The following APTX variants were observed in gnomAD, a reference collection of about 807,000 sequenced individuals.
The protein encoded by APTX is forkhead-associated domain histidine triad-like protein.
Under a neutral mutation model 42.3 loss-of-function variants are expected in APTX, and 33 were observed. The observed-to-expected ratio is 0.78, with a 90% CI of 0.59 to 1.04. The LOEUF is 1.04. Ranked by LOEUF, APTX falls within the 50% of genes least tolerant of loss-of-function variation. APTX has a pLI of 0.00. For synonymous variants in APTX, 130 were observed against 146.7 expected, an observed-to-expected ratio of 0.89 and a Z score of 0.82; for missense variants, 421 against 415.1, an observed-to-expected ratio of 1.01 and a Z score of -0.12.
At chr9:32,984,607 A>G (rs1273037865) in intron 6 of APTX, 24 bp downstream of exon 6, 1 of 1,610,338 alleles carries the variant, frequency 6.2e-7, no homozygotes, top group African/African-American at 1.3e-5. Flanking sequence ...ACCAGGAGCC[A>G]GCAGCACTAC....
chr9:33,006,066 GTTGT>G (rs148290929), upstream of APTX, among the ~76,000 whole-genome samples: 17,742 of 150,668 alleles, frequency 0.12, 1,082 homozygotes, highest in East Asian at 0.18. Flanking sequence ...TCAGGGTTTT[GTTGT>G]TTGTTTGTTT....
chr9:33,007,020 AAAAGAAAG>A (rs1454616438), intron 1 of APTX, among the ~76,000 whole-genome samples: 2 of 134,590 alleles, frequency 1.5e-5, no homozygotes, highest in African/African-American at 2.8e-5. Flanking sequence ...AAAAAAAAAA[AAAAGAAAG>A]AAAGAAAGAA....
intron 1 of APTX, chr9:33,019,656 G>C: frequency 2.3e-6 from 1 of 437,652 alleles, no homozygotes; most frequent in Non-Finnish European, 4.2e-6. Flanking sequence ...GCACTGCCTA[G>C]GAGGAGACGC....
intron 6 of APTX, among the ~76,000 whole-genome samples, chr9:32,979,254 C>T (rs79505548): frequency 0.04 from 6,034 of 152,146 alleles, 151 homozygotes; most frequent in East Asian, 0.11. Flanking sequence ...ATGTGTGCTC[C>T]GTATTTAGCT....
intron 1 of APTX, chr9:32,997,436 T>C (rs1835207486): frequency 6.6e-6 from 1 of 152,172 alleles, no homozygotes; most frequent in South Asian, 2.1e-4. Flanking sequence ...GGAAGCACAA[T>C]GCTAGAGTAC....
chr9:33,004,763 G>A (rs1837010495), upstream of APTX, among the ~76,000 whole-genome samples: 1 of 151,044 alleles, frequency 6.6e-6, no homozygotes, highest in Admixed American at 6.6e-5. Flanking sequence ...CTCCTGAGTA[G>A]CTGGGACTAC....
At chr9:32,992,398 GT>G (rs1186863312) in intron 1 of APTX, among the ~76,000 whole-genome samples, 2 of 152,220 alleles carry the variant, frequency 1.3e-5, no homozygotes, top group Non-Finnish European at 2.9e-5. Flanking sequence ...GTATTAGCCA[GT>G]ACAGGCTTCC....
At chr9:32,986,059 A>AAC in intron 4 of APTX, 29 bp from the exon 5 acceptor site, 3 of 1,240,058 alleles carry the variant, frequency 2.4e-6, no homozygotes, top group African/African-American at 3.3e-5. Context: ...AAAAAACAAA[A>AAC]AAAAAAAAAA....
chr9:33,024,351 C>A (rs1838666600), intron 1 of APTX, among the ~76,000 whole-genome samples: 1 of 152,238 alleles, frequency 6.6e-6, no homozygotes, highest in African/African-American at 2.4e-5. Context: ...GACATACCTG[C>A]TGTGTCCCTG....
intron 2 of APTX, among the ~76,000 whole-genome samples, chr9:32,989,142 C>T (rs1832928273): frequency 6.6e-6 from 1 of 152,158 alleles, no homozygotes; most frequent in African/African-American, 2.4e-5. Flanking sequence ...TTGTATCCCT[C>T]CACTTAGATT....
rs1011702819 is a variant in APTX, at chr9:33,018,099, A to G, written c.-5+6924T>C. Among the ~76,000 whole-genome samples the G allele has an allele frequency of 2.0e-5, 3 of 151,884 alleles. No individual in the cohort carries two copies. In the South Asian group the frequency reaches 6.3e-4, roughly 32 times the overall value. On this transcript the variant is annotated intron_variant, in intron 1 of 6. Transcript: ENST00000436040. ...GGCCAGGAGTCAGAAATGAAAACCA[A>G]AATTTTATTTTTTATTTAATTTTTT...
chr9:33,015,303 T>C (rs1837817177), intron 1 of APTX, among the ~76,000 whole-genome samples: 1 of 152,230 alleles, frequency 6.6e-6, no homozygotes, highest in Non-Finnish European at 1.5e-5. Context: ...TAACGCCTTA[T>C]AAATTATCAA....
chr9:33,009,781 T>C (rs918362203), intron 1 of APTX, among the ~76,000 whole-genome samples: 1 of 151,740 alleles, frequency 6.6e-6, no homozygotes, highest in Non-Finnish European at 1.5e-5. Flanking sequence ...GGCGATACTC[T>C]GTCTCTAAAA....
intron 1 of APTX, among the ~76,000 whole-genome samples, chr9:33,023,974 C>G (rs1407104135): frequency 2.0e-5 from 3 of 152,222 alleles, no homozygotes; most frequent in Non-Finnish European, 4.4e-5. Context: ...ATAGCCTTCC[C>G]CTGTGCTTTG....
At chr9:32,974,069 TC>T (rs1828735400) in intron 7 of APTX, among the ~76,000 whole-genome samples, 1 of 151,992 alleles carries the variant, frequency 6.6e-6, no homozygotes, top group Non-Finnish European at 1.5e-5. Flanking sequence ...TACACAGGGT[TC>T]CCCCTGCTAA....
chr9:33,003,469 T>C (rs537515578), upstream of APTX, among the ~76,000 whole-genome samples: 9 of 152,202 alleles, frequency 5.9e-5, no homozygotes, highest in African/African-American at 1.4e-4. Flanking sequence ...TTACCTGAGG[T>C]CAGGAGTTCA....
At chr9:32,993,820 G>T (rs1423628848) in intron 1 of APTX, among the ~76,000 whole-genome samples, 1 of 150,724 alleles carries the variant, frequency 6.6e-6, no homozygotes, top group Non-Finnish European at 1.5e-5. Flanking sequence ...ATGGGTTCAA[G>T]CAATTCTCCT....
chr9:32,987,979 T>C (rs1832598725), intron 3 of APTX, 104 bp downstream of exon 3: 9 of 1,509,556 alleles, frequency 6.0e-6, no homozygotes, highest in African/African-American at 1.4e-5. Flanking sequence ...CTCCATCACT[T>C]CCATACATGA....
chr9:32,974,582 C>A (rs1481385440), intron 6 of APTX, 21 bp from the exon 7 acceptor site: 18 of 967,226 alleles, frequency 1.9e-5, no homozygotes, highest in Non-Finnish European at 2.9e-5. Flanking sequence ...GAAAAAAAAA[C>A]TGAGCATTAA....
Sources: allele counts gnomAD v4.1 joint callset (sites outside exome capture counted in the v4.1 genomes callset), GRCh38; gene constraint gnomAD v4.1.1; transcripts MANE v1.5; gene names NCBI Gene and HGNC (gene_info 2026-07-23, HGNC 2026-07-21).